Variants in TDRD12 observed in about 807,000 individuals in gnomAD.
The protein encoded by TDRD12 is putative ATP-dependent RNA helicase TDRD12.
TDRD12 carries 158 observed loss-of-function variants against 133.5 expected under a neutral mutation model. The observed-to-expected ratio is 1.18, with a 90% CI of 1.04 to 1.35. The LOEUF (loss-of-function observed/expected upper bound fraction) is 1.35, where lower values mean the gene tolerates loss of function less well. TDRD12 is among the 40% of genes most tolerant of loss of function. The pLI, the probability that TDRD12 is intolerant of heterozygous loss-of-function variation, is 0.00. For missense variants in TDRD12, 1,443 were observed against 1,321.3 expected (o/e 1.09, Z -1.43); for synonymous variants, 460 against 477.9 (o/e 0.96, Z 0.49).
chr19:32,756,155 A>C, exon 7 of TDRD12: 1 of 1,434,144 alleles, frequency 7.0e-7, no homozygotes, highest in South Asian at 1.5e-5. Context: ...ATGTTTTTGC[A>C]AGGAAAAGAT....
At chr19:32,738,795 G>A in intron 2 of TDRD12, 61 bp from the exon 3 acceptor site, 1 of 1,516,398 alleles carries the variant, frequency 6.6e-7, no homozygotes, top group Non-Finnish European at 8.9e-7. Context: ...CCTGGGCAAT[G>A]GAGTAACACT....
intron 9 of TDRD12, 102 bp from the exon 33 acceptor site, chr19:32,827,062 G>A: frequency 3.8e-6 from 2 of 531,318 alleles, no homozygotes; most frequent in South Asian, 1.0e-4. Context: ...ACATAGAGCT[G>A]GAACCCAAGG....
At chr19:32,803,185 G>A (rs1302447844) in intron 21 of TDRD12, 43 bp downstream of exon 21, 4 of 1,333,668 alleles carry the variant, frequency 3.0e-6, no homozygotes, top group Admixed American at 2.5e-5. Flanking sequence ...TGTATAACCT[G>A]CAGTAAGGTG....
intron 3 of TDRD12, 58 bp downstream of exon 3, chr19:32,739,050 G>C: frequency 1.3e-6 from 2 of 1,539,944 alleles, no homozygotes; most frequent in South Asian, 2.4e-5. Context: ...CAGTTTCAAA[G>C]GAGAACGTCC....
At chr19:32,805,705 C>T (rs1484645246) in intron 21 of TDRD12, among the ~76,000 whole-genome samples, 1 of 151,120 alleles carries the variant, frequency 6.6e-6, no homozygotes, top group Admixed American at 6.6e-5. Flanking sequence ...CATTGCATCT[C>T]CACATACACT....
At chr19:32,721,857 A>G (rs1599815549) in intron 1 of TDRD12, among the ~76,000 whole-genome samples, 2 of 148,898 alleles carry the variant, frequency 1.3e-5, no homozygotes, top group East Asian at 2.0e-4. Flanking sequence ...ACAGGCGGCC[A>G]CCACCACGCC....
chr19:32,829,444 T>G (rs1967687439), downstream of TDRD12: 2 of 152,274 alleles, frequency 1.3e-5, no homozygotes, highest in African/African-American at 4.8e-5. Flanking sequence ...ATGTCTGATT[T>G]CAAGTTTTGG....
chr19:32,798,578 G>A, intron 16 of TDRD12, 143 bp downstream of exon 16: 1 of 528,968 alleles, frequency 1.9e-6, no homozygotes, highest in South Asian at 6.2e-5. Context: ...CTATAATTAA[G>A]AAGAAAGAAT....
intron 21 of TDRD12, 105 bp downstream of exon 21, chr19:32,803,247 C>T: frequency 1.2e-6 from 1 of 858,458 alleles, no homozygotes; most frequent in Non-Finnish European, 1.7e-6. Flanking sequence ...CCACCACCCA[C>T]TCTGAGGGAG....
At chr19:32,803,284 C>G (rs1700542177) in intron 21 of TDRD12, 142 bp downstream of exon 21, 1 of 610,404 alleles carries the variant, frequency 1.6e-6, no homozygotes, top group Non-Finnish European at 2.8e-6. Flanking sequence ...TCGCACTCTT[C>G]CCCACGTGCC....
chr19:32,766,645 C>T (rs963111670), intron 8 of TDRD12, among the ~76,000 whole-genome samples: 2 of 150,886 alleles, frequency 1.3e-5, no homozygotes, highest in African/African-American at 4.9e-5. Context: ...GACAGAGTCT[C>T]GCTCTGTCAT....
chr19:32,784,873 T>C (rs1970862695), intron 11 of TDRD12, among the ~76,000 whole-genome samples: 1 of 152,212 alleles, frequency 6.6e-6, no homozygotes, highest in Non-Finnish European at 1.5e-5. Flanking sequence ...TTCTTCTCTC[T>C]TTTCTTCTTT....
intron 8 of TDRD12, among the ~76,000 whole-genome samples, chr19:32,765,647 C>A (rs1970273748): frequency 6.7e-6 from 1 of 148,408 alleles, no homozygotes; most frequent in Non-Finnish European, 1.5e-5. Flanking sequence ...GACAAAAAAC[C>A]AAACACCACA....
chr19:32,796,167 A>G (rs1971219334), intron 14 of TDRD12: 2 of 985,314 alleles, frequency 2.0e-6, no homozygotes, highest in Admixed American at 1.2e-4. Context: ...GGGGCCTGGC[A>G]CTGAGGGTGC....
At position 32,722,679 on chromosome 19, in the gene TDRD12, ATTT is replaced by A. The variant is rs34068580; in HGVS notation, c.24+2599_24+2601del. Among the ~76,000 whole-genome samples, 188 of 102,114 alleles carry A rather than the reference ATTT, an allele frequency of 1.8e-3. 1 individual carries two copies. Among genetic ancestry groups the A allele is most frequent in the Middle Eastern group, 5.0e-3 (1 of 200 alleles). 67.0% of individuals were successfully genotyped at this position (102,114 alleles called of 152,430 possible). ...TGTATCCTTTTATTATTTAAAAAAA[ATTT>A]TTTTTTTTTTTTTTTGAGACGGCGT... On this transcript the variant is annotated intron_variant, in intron 1 of 27. Coordinates refer to ENST00000444215, the Ensembl canonical transcript of TDRD12.
chr19:32,733,357 C>T (rs1969119492), intron 2 of TDRD12, among the ~76,000 whole-genome samples: 1 of 151,798 alleles, frequency 6.6e-6, no homozygotes, highest in Non-Finnish European at 1.5e-5. Context: ...GTAATCCCAG[C>T]TACTAGAGAG....
chr19:32,768,788 G>A (rs1028749570), intron 8 of TDRD12, among the ~76,000 whole-genome samples: 4 of 152,104 alleles, frequency 2.6e-5, no homozygotes, highest in African/African-American at 9.7e-5. Flanking sequence ...TGGCTTTCTG[G>A]ATTGCAGATC....
At chr19:32,812,399 A>G (rs560417083) in intron 24 of TDRD12, among the ~76,000 whole-genome samples, 27 of 152,390 alleles carry the variant, frequency 1.8e-4, no homozygotes, top group African/African-American at 4.6e-4. Flanking sequence ...GGGACATGAA[A>G]TAAGTTAATT....
chr19:32,793,300 A>G (rs939813536), intron 13 of TDRD12, among the ~76,000 whole-genome samples: 13 of 152,206 alleles, frequency 8.5e-5, no homozygotes, highest in African/African-American at 3.1e-4. Context: ...GCAGACATAC[A>G]GAGTCTTAAA....
Sources: gnomAD v4.1 joint callset for allele counts (sites outside exome capture counted in the v4.1 genomes callset) on GRCh38, gnomAD v4.1.1 for gene constraint, MANE v1.5 for transcripts, NCBI Gene and HGNC (gene_info 2026-07-23, HGNC 2026-07-21) for gene names.